The following MRPS22 variants were observed in gnomAD, a reference collection of about 807,000 sequenced individuals.
MRPS22 encodes the protein mitochondrial ribosomal protein S22.
Under a neutral mutation model 44.0 loss-of-function variants are expected in MRPS22, and 30 were observed. The observed-to-expected ratio is 0.68, with a 90% CI of 0.51 to 0.93. The LOEUF is 0.93. MRPS22 is among the 40% of genes least tolerant of loss of function. The pLI is 0.00. For synonymous variants in MRPS22, 165 were observed against 154.4 expected (o/e 1.07, Z -0.51); for missense variants, 447 against 447.8 (o/e 1.00, Z 0.02).
Position 139,357,035 on chromosome 3 carries a change from T to A in MRPS22, c.*21T>A. On this transcript the variant is annotated 3_prime_UTR_variant, in exon 8 of 8. Coordinates refer to ENST00000680020, the MANE Select transcript of MRPS22 (RefSeq NM_020191.4). ...CCTAAAAATATTTTAAAAATACATT[T>A]ATTTTACTAAATACTGACTACATTT... 6.6e-7 allele frequency: 1 copy of A among 1,521,046 alleles called. No individual in the cohort carries two copies. The highest frequency in any genetic ancestry group is 9.1e-7 in the Non-Finnish European group (1 of 1,101,538). 94.2% of individuals were successfully genotyped at this position (1,521,046 alleles called of 1,614,324 possible).
intron 3 of MRPS22, 131 bp from the exon 4 acceptor site, chr3:139,350,048 C>T: frequency 9.7e-7 from 1 of 1,026,774 alleles, no homozygotes; most frequent in South Asian, 1.4e-5. Flanking sequence ...TTAAAATTAT[C>T]ATTGATCTCA....
intron 4 of MRPS22, chr3:139,350,577 G>C (rs1415224909): frequency 2.1e-6 from 1 of 469,814 alleles, no homozygotes; most frequent in African/African-American, 2.0e-5. Flanking sequence ...ACAGGCGCCC[G>C]CCACCACGCT....
chr3:139,344,182 G>T lies in MRPS22; in HGVS notation c.156G>T (p.Arg52=), dbSNP rs1490425867. The change falls in exon 1 of 8, where the codon CGG becomes CGT. Residue 52 remains arginine, a synonymous_variant. Transcript: ENST00000680020. The part of the protein sequence containing the change: ...CSFEMGLPRR[R]FSSEAAESGS... ...TCGAGATGGGGCTGCCACGCCGCCG[G>T]TTCAGCTCCGAGGCCGGTAAGTGAC... 2 of 1,610,290 alleles carry T rather than the reference G, an allele frequency of 1.2e-6. No individual in the cohort carries two copies. Among genetic ancestry groups the T allele is most frequent in the Non-Finnish European group, 1.7e-6 (2 of 1,178,700 alleles).
At chr3:139,352,884 T>C in intron 6 of MRPS22, 92 bp downstream of exon 6, 1 of 1,347,534 alleles carries the variant, frequency 7.4e-7, no homozygotes, top group Non-Finnish European at 1.1e-6. Context: ...GTGATAACAG[T>C]GTACTGTCTA....
chr3:139,357,131 A>G, downstream of MRPS22: 2 of 859,324 alleles, frequency 2.3e-6, no homozygotes. Context: ...TTCTCCCTAC[A>G]AAGCAAAAAT....
intron 2 of MRPS22, 139 bp from the exon 3 acceptor site, chr3:139,348,021 G>C (rs998926016): frequency 2.3e-6 from 2 of 859,210 alleles, no homozygotes; most frequent in Admixed American, 4.5e-5. Flanking sequence ...TCCAGGTTTG[G>C]CTTTTTACTC....
rs1941241209 is a variant in MRPS22, at chr3:139,355,764, G to A, written c.961G>A (p.Ala321Thr). The change falls in exon 7 of 8, where the codon GCT becomes ACT. Residue 321 changes from alanine (A) to threonine (T), a missense_variant. By Grantham distance (58) the Ala-to-Thr change is moderately conservative (BLOSUM62 0). Coordinates refer to ENST00000680020, the MANE Select transcript of MRPS22 (RefSeq NM_020191.4). ...GQSAQGAKDQ[A>T]AEGINLIKVF... ...GTCGGCTCAAGGGGCCAAGGATCAG[G>A]CTGCTGAGGGAATAAATTTAATCAA... is the stretch of plus-strand genomic sequence containing the variant. 3.7e-6 allele frequency: 6 copies of A among 1,613,964 alleles called. No homozygotes were observed. The highest frequency in any genetic ancestry group is 5.1e-6 in the Non-Finnish European group (6 of 1,179,948).
intron 1 of MRPS22, among the ~76,000 whole-genome samples, chr3:139,346,361 C>G (rs1049245514): frequency 1.2e-4 from 19 of 152,130 alleles, no homozygotes; most frequent in Non-Finnish European, 2.5e-4. Context: ...TTATGTCTCC[C>G]CACACCTCCC....
chr3:139,348,126 G>T (rs1246522703), intron 2 of MRPS22, 34 bp from the exon 3 acceptor site: 5 of 1,608,730 alleles, frequency 3.1e-6, no homozygotes, highest in Non-Finnish European at 3.4e-6. Flanking sequence ...ATGTAACCTT[G>T]TGGCTTTCCT....
intron 2 of MRPS22, among the ~76,000 whole-genome samples, 168 bp from the exon 3 acceptor site, chr3:139,347,992 A>G (rs1482966626): frequency 6.6e-6 from 1 of 152,260 alleles, no homozygotes; most frequent in Non-Finnish European, 1.5e-5. Flanking sequence ...TCGCAGAGGC[A>G]AAGGCCAGGG....
At chr3:139,344,727 G>C in intron 1 of MRPS22, 1 of 697,438 alleles carries the variant, frequency 1.4e-6, no homozygotes, top group Admixed American at 2.1e-5. Flanking sequence ...AGGTAGGATT[G>C]ATAAGGCTTG....
chr3:139,344,535 C>T (rs1009607249), intron 1 of MRPS22: 2 of 609,160 alleles, frequency 3.3e-6, no homozygotes, highest in Non-Finnish European at 2.9e-6. Flanking sequence ...TTATAGGGGA[C>T]GCACACAGGA....
chr3:139,345,438 G>GT (rs55710231), intron 1 of MRPS22, among the ~76,000 whole-genome samples: 81,888 of 121,340 alleles, frequency 0.67, 28,499 homozygotes, highest in Non-Finnish European at 0.78. Flanking sequence ...TGCCAGTGGT[G>GT]TTTTTTTTTT....
intron 5 of MRPS22, chr3:139,351,657 A>G (rs1426324204): frequency 1.9e-5 from 3 of 160,938 alleles, no homozygotes; most frequent in Non-Finnish European, 4.1e-5. Flanking sequence ...GGAGGGTTCT[A>G]GAAGTGCAGG....
chr3:139,346,704 G>A (rs1941043797), intron 1 of MRPS22, 174 bp from the exon 2 acceptor site: 1 of 656,790 alleles, frequency 1.5e-6, no homozygotes, highest in Non-Finnish European at 2.7e-6. Flanking sequence ...CATAATGAGT[G>A]CTCAGTAAAT....
intron 3 of MRPS22, chr3:139,349,538 A>G (rs1288361811): frequency 2.3e-5 from 5 of 219,976 alleles, no homozygotes; most frequent in African/African-American, 1.2e-4. Context: ...TTATATAACA[A>G]TATCTGAGGG....
chr3:139,352,888 C>A, intron 6 of MRPS22, 96 bp downstream of exon 6: 1 of 1,266,536 alleles, frequency 7.9e-7, no homozygotes, highest in Non-Finnish European at 1.1e-6. Context: ...TAACAGTGTA[C>A]TGTCTAGTGC....
At chr3:139,350,359 G>GTGATGAT in intron 4 of MRPS22, 37 bp downstream of exon 4, 1 of 1,610,518 alleles carries the variant, frequency 6.2e-7, no homozygotes, top group Non-Finnish European at 8.5e-7. Flanking sequence ...AGAGCCAGTG[G>GTGATGAT]TGATGATTTA....
Position 139,344,031 on chromosome 3 carries a change from C to T in MRPS22, c.5C>T (p.Ala2Val). The change falls in exon 1 of 8, where the codon GCG (alanine) becomes GTG (valine). Residue 2 changes from alanine (A) to valine (V), a missense_variant. Physicochemically the swap from Ala to Val is moderately conservative, Grantham distance 64. Transcript: ENST00000680020. M[A>V]PLGTTVLLWS... Reference sequence around the variant, plus strand: ...CGCAAGTGGCTTCTGATAATCATGGCGCCCCTCGGAACAACTGTATTGCTG... The same window carrying T: ...CGCAAGTGGCTTCTGATAATCATGGTGCCCCTCGGAACAACTGTATTGCTG... 1 of 1,614,168 alleles carries T rather than the reference C, an allele frequency of 6.2e-7. No individual in the cohort carries two copies. The highest frequency in any genetic ancestry group is 8.5e-7 in the Non-Finnish European group (1 of 1,180,036).
Sources: allele counts gnomAD v4.1 joint callset (sites outside exome capture counted in the v4.1 genomes callset), GRCh38; gene constraint gnomAD v4.1.1; transcripts MANE v1.5; gene names NCBI Gene and HGNC (gene_info 2026-07-23, HGNC 2026-07-21).